CTNNA2: variants seen among roughly 807,000 people sequenced by gnomAD.
CTNNA2 encodes catenin alpha-2.
A neutral mutation model predicts 101.0 loss-of-function variants in CTNNA2; 42 were observed. The observed-to-expected ratio is 0.42, with a 90% CI of 0.32 to 0.54. The LOEUF is 0.54. Ranked by LOEUF, CTNNA2 falls within the 20% of genes least tolerant of loss-of-function variation. The pLI is 0.14. For synonymous variants in CTNNA2, 450 were observed against 456.4 expected (o/e 0.99, Z 0.18); for missense variants, 871 against 1,223.1 (o/e 0.71, Z 4.29).
intron 7 of CTNNA2, among the ~76,000 whole-genome samples, chr2:80,133,129 G>A (rs1005442714): frequency 1.3e-5 from 2 of 152,106 alleles, no homozygotes; most frequent in Admixed American, 6.6e-5. Flanking sequence ...CAAGGAGGAC[G>A]CCATGTGAAG....
intron 4 of CTNNA2, among the ~76,000 whole-genome samples, chr2:79,465,824 T>C (rs1244292965): frequency 6.6e-6 from 1 of 152,220 alleles, no homozygotes; most frequent in Non-Finnish European, 1.5e-5. Context: ...TTTTTGCACA[T>C]TGATTTTGTA....
chr2:79,608,797 C>G (rs1010947826), intron 1 of CTNNA2, among the ~76,000 whole-genome samples: 1 of 151,994 alleles, frequency 6.6e-6, no homozygotes. Context: ...CAAATATAAA[C>G]TTAATGTTAA....
At chr2:80,336,050 C>A (rs1671741655) in intron 7 of CTNNA2, among the ~76,000 whole-genome samples, 1 of 152,124 alleles carries the variant, frequency 6.6e-6, no homozygotes, top group Admixed American at 6.5e-5. Flanking sequence ...GTATAGTGCA[C>A]ACCCATGTAC....
intron 2 of CTNNA2, among the ~76,000 whole-genome samples, chr2:79,739,358 C>T (rs1244546032): frequency 6.6e-6 from 1 of 152,266 alleles, no homozygotes; most frequent in Middle Eastern, 3.4e-3. Flanking sequence ...AAGAAAACAG[C>T]TTATGATGTA....
intron 2 of CTNNA2, among the ~76,000 whole-genome samples, chr2:79,652,963 G>T (rs926082960): frequency 2.6e-5 from 4 of 152,114 alleles, no homozygotes; most frequent in Non-Finnish European, 4.4e-5. Context: ...TTTATAATCT[G>T]TCCTTGAGCA....
Position 79,249,170 on chromosome 2 carries a change from A to G in CTNNA2, c.-406+51094A>G, listed in dbSNP as rs543843637. Among the ~76,000 whole-genome samples the G allele has an allele frequency of 2.1e-5, 3 of 142,074 alleles. No individual in the cohort carries two copies. The Admixed American group carries it at 2.2e-4, about 11-fold the overall frequency. 93.2% of individuals were successfully genotyped at this position (142,074 alleles called of 152,430 possible). A position where few individuals can be genotyped will look rare whatever the true frequency, so the allele number is the denominator to read the frequency against. On this transcript the variant is annotated intron_variant, in intron 2 of 21. Transcript: ENST00000466387. ...TAATATATAGTGGACAGGATTAAATAGACACAATGCATGAAAACTCCTGAC... is the reference window on the plus strand; with the variant it reads ...TAATATATAGTGGACAGGATTAAATGGACACAATGCATGAAAACTCCTGAC...
intron 12 of CTNNA2, among the ~76,000 whole-genome samples, chr2:80,571,581 T>C: frequency 9.5e-6 from 1 of 104,806 alleles, no homozygotes; most frequent in East Asian, 2.5e-4. Context: ...TATGTTTAAA[T>C]AATGCACAGT....
chr2:80,612,166 G>A (rs1356650129), intron 17 of CTNNA2, among the ~76,000 whole-genome samples: 3 of 151,500 alleles, frequency 2.0e-5, no homozygotes, highest in Non-Finnish European at 3.0e-5. Flanking sequence ...TAGGGGAGAG[G>A]TTTGACAAGG....
chr2:79,632,030 AG>A (rs1186601865), intron 1 of CTNNA2, among the ~76,000 whole-genome samples: 1 of 152,188 alleles, frequency 6.6e-6, no homozygotes, highest in Non-Finnish European at 1.5e-5. Flanking sequence ...TGTGTGTTTA[AG>A]GGTATATATT....
chr2:80,202,117 G>A (rs996254283), intron 7 of CTNNA2, among the ~76,000 whole-genome samples: 1 of 152,152 alleles, frequency 6.6e-6, no homozygotes, highest in African/African-American at 2.4e-5. Context: ...AGCAGAATAT[G>A]CATATGACTA....
intron 2 of CTNNA2, among the ~76,000 whole-genome samples, chr2:79,291,732 T>C (rs188757458): frequency 4.6e-5 from 7 of 152,342 alleles, no homozygotes; most frequent in Admixed American, 2.0e-4. Context: ...TTTGGCTACA[T>C]TATTTGTGAA....
chr2:80,589,178 C>A, intron 14 of CTNNA2, 126 bp from the exon 15 acceptor site: 2 of 934,018 alleles, frequency 2.1e-6, no homozygotes, highest in Non-Finnish European at 3.2e-6. Context: ...ACGTGCTTTC[C>A]GGAATGGCAG....
intron 4 of CTNNA2, among the ~76,000 whole-genome samples, chr2:79,490,749 A>G (rs979720428): frequency 3.0e-4 from 45 of 152,286 alleles, no homozygotes; most frequent in Admixed American, 2.6e-3. Flanking sequence ...TTGAAGAACT[A>G]TTTATTCAAA....
At chr2:79,713,092 T>G (rs571031926) in intron 2 of CTNNA2, among the ~76,000 whole-genome samples, 2 of 152,328 alleles carry the variant, frequency 1.3e-5, no homozygotes, top group South Asian at 2.1e-4. Context: ...ATAAATTTAG[T>G]TAAAATTGAT....
In CTNNA2 at chr2:79,382,615, A is replaced by C. The variant is rs539795578; in HGVS notation, c.-135+8602A>C. Among the ~76,000 whole-genome samples the C allele has an allele frequency of 7.9e-5, 12 of 152,158 alleles. No individual in the cohort carries two copies. The East Asian group carries it at 2.1e-3, about 27-fold the overall frequency. On this transcript the variant is annotated intron_variant, in intron 4 of 21. Coordinates refer to the CTNNA2 transcript ENST00000466387. Reference sequence around the variant, plus strand: ...CATCCCAAAATAAAATAAACTATTAAATTTTTTTTCTTTTTTTGAGACACT... The same window carrying C: ...CATCCCAAAATAAAATAAACTATTACATTTTTTTTCTTTTTTTGAGACACT...
At chr2:79,357,290 C>T (rs893188466) in intron 3 of CTNNA2, among the ~76,000 whole-genome samples, 1 of 152,136 alleles carries the variant, frequency 6.6e-6, no homozygotes, top group African/African-American at 2.4e-5. Context: ...CACATCACTG[C>T]ATCCCAGCCT....
chr2:79,871,535 GGA>G (rs772132244), intron 5 of CTNNA2, among the ~76,000 whole-genome samples: 6 of 152,064 alleles, frequency 3.9e-5, no homozygotes, highest in Non-Finnish European at 7.4e-5. Flanking sequence ...GCTCTGGAAG[GGA>G]GAGAGAGAAT....
intron 3 of CTNNA2, among the ~76,000 whole-genome samples, chr2:79,804,887 T>C (rs1676449384): frequency 1.3e-5 from 2 of 152,146 alleles, no homozygotes; most frequent in African/African-American, 4.8e-5. Flanking sequence ...CAGTTCTGAG[T>C]AGCACAAGTG....
chr2:80,636,827 A>G (rs116561869), intron 18 of CTNNA2, among the ~76,000 whole-genome samples: 1 of 152,262 alleles, frequency 6.6e-6, no homozygotes, highest in Non-Finnish European at 1.5e-5. Context: ...ACCAAGTCCT[A>G]AATGTTCTTA....
Sources: gnomAD v4.1 joint callset for allele counts (sites outside exome capture counted in the v4.1 genomes callset) on GRCh38, gnomAD v4.1.1 for gene constraint, MANE v1.5 for transcripts, NCBI Gene and HGNC (gene_info 2026-07-23, HGNC 2026-07-21) for gene names.